Variants in VPS13C observed in about 807,000 individuals in gnomAD.
The protein encoded by VPS13C is vacuolar protein sorting 13 homolog C.
A neutral mutation model predicts 456.8 loss-of-function variants in VPS13C; 358 were observed. That is an observed-to-expected ratio of 0.78 (90% CI 0.72 to 0.86). The LOEUF (loss-of-function observed/expected upper bound fraction) is 0.86, where lower values mean the gene tolerates loss of function less well. Ranked by LOEUF, VPS13C falls within the 40% of genes least tolerant of loss-of-function variation. The pLI, the probability that VPS13C is intolerant of heterozygous loss-of-function variation, is 0.00. For missense variants in VPS13C, 4,818 were observed against 4,385.4 expected, an observed-to-expected ratio of 1.10 and a Z score of -2.79; for synonymous variants, 1,578 against 1,486.7, an observed-to-expected ratio of 1.06 and a Z score of -1.41.
intron 24 of VPS13C, 76 bp from the exon 25 acceptor site, chr15:61,974,493 T>G: frequency 2.0e-6 from 3 of 1,496,830 alleles, no homozygotes; most frequent in Non-Finnish European, 2.7e-6. Context: ...TTAATGTAAT[T>G]AGATTAAAAC....
intron 66 of VPS13C, among the ~76,000 whole-genome samples, chr15:61,899,693 A>G (rs1180408417): frequency 2.0e-5 from 3 of 150,944 alleles, no homozygotes; most frequent in Non-Finnish European, 3.0e-5. Flanking sequence ...ACAAGGACGA[A>G]CTGGTACCAT....
At chr15:61,881,103 T>C (rs1466621895) in intron 71 of VPS13C, 149 bp from the exon 72 acceptor site, 5 of 674,020 alleles carry the variant, frequency 7.4e-6, no homozygotes, top group Non-Finnish European at 1.2e-5. Flanking sequence ...TCTTCTTAGA[T>C]TGAGACTTTT....
At chr15:61,975,702 G>T (rs991424476) in intron 24 of VPS13C, among the ~76,000 whole-genome samples, 6 of 151,918 alleles carry the variant, frequency 3.9e-5, no homozygotes, top group African/African-American at 1.5e-4. Context: ...AGCATTTTAG[G>T]AAGAAATAAT....
At chr15:61,912,912 G>A (rs192745740) in intron 62 of VPS13C, among the ~76,000 whole-genome samples, 45 of 150,086 alleles carry the variant, frequency 3.0e-4, no homozygotes, top group Non-Finnish European at 5.6e-4. Flanking sequence ...TTGTCCTTGC[G>A]ATAGTACACA....
At chr15:61,910,793 A>G (rs914825815) in intron 63 of VPS13C, among the ~76,000 whole-genome samples, 1 of 152,144 alleles carries the variant, frequency 6.6e-6, no homozygotes. Context: ...ATATCAGACC[A>G]TATACTTACT....
chr15:61,876,986 T>C lies in VPS13C; in HGVS notation c.10211A>G (p.His3404Arg). 6.2e-7 allele frequency: 1 copy of C among 1,606,910 alleles called. No homozygotes were observed. The highest frequency in any genetic ancestry group is 2.2e-5 in the East Asian group (1 of 44,586). The change falls in exon 75 of 85, where the codon CAT (histidine) becomes CGT (arginine). Residue 3404 changes from histidine (H) to arginine (R), a missense_variant. By Grantham distance (29) the His-to-Arg change is conservative. Transcript: ENST00000644861. ...RDQLIWSVVR[H>R]YSEQFLKQMY... ...ATAGGAAATTACCTGTTCACTGTAA[T>C]GCCTAACAACACTCCATATAAGCTG...
intron 28 of VPS13C, among the ~76,000 whole-genome samples, chr15:61,968,249 T>C (rs2045439805): frequency 6.6e-6 from 1 of 151,772 alleles, no homozygotes; most frequent in Non-Finnish European, 1.5e-5. Context: ...ACCCATAGTA[T>C]AAACCAACTT....
At chr15:61,910,963 C>A (rs1445882194) in intron 63 of VPS13C, among the ~76,000 whole-genome samples, 1 of 152,116 alleles carries the variant, frequency 6.6e-6, no homozygotes, top group Non-Finnish European at 1.5e-5. Context: ...TTACTTGTTG[C>A]TGAGTTTATG....
chr15:61,897,210 G>A (rs768310903), intron 66 of VPS13C, among the ~76,000 whole-genome samples: 3 of 152,314 alleles, frequency 2.0e-5, no homozygotes, highest in Middle Eastern at 3.4e-3. Context: ...CTCCTCCAAA[G>A]GAATGCAGTT....
intron 63 of VPS13C, among the ~76,000 whole-genome samples, chr15:61,911,333 CT>C (rs1169976697): frequency 1.3e-5 from 2 of 152,174 alleles, no homozygotes; most frequent in African/African-American, 2.4e-5. Flanking sequence ...CTACCAATGA[CT>C]TTATCAATCT....
In VPS13C at chr15:61,917,558, T is replaced by C; in HGVS notation, c.7838A>G (p.Glu2613Gly). The C allele has an allele frequency of 6.2e-7, 1 of 1,614,032 alleles. No individual in the cohort carries two copies. Among genetic ancestry groups the C allele is most frequent in the South Asian group, 1.1e-5 (1 of 91,074 alleles). The change falls in exon 60 of 85, where the codon GAA (glutamate) becomes GGA (glycine). Residue 2613 changes from glutamate (E) to glycine (G), a missense_variant. Transcript: ENST00000644861. ...KESTTYISWK[E>G]ELHRSREVRC... ...GACTTCCCTGCTCCTATGAAGTTCT[T>C]CCTTCCAGGAAATATAAGTGGTAGA... is the stretch of plus-strand genomic sequence containing the variant.
chr15:61,897,267 G>T (rs2042853636), intron 66 of VPS13C, among the ~76,000 whole-genome samples: 1 of 152,204 alleles, frequency 6.6e-6, no homozygotes, highest in African/African-American at 2.4e-5. Context: ...ACTTTGATGA[G>T]CTAAGAGAAG....
chr15:61,864,976 T>G, intron 81 of VPS13C: 1 of 984,178 alleles, frequency 1.0e-6, no homozygotes, highest in Non-Finnish European at 1.2e-6. Flanking sequence ...ATTAGGCTAT[T>G]GTGCTTCAAG....
In VPS13C at chr15:61,958,692, T is replaced by G. The variant is rs772739233; in HGVS notation, c.4081A>C (p.Asn1361His). The part of the protein sequence containing the change: ...MNVSLNQEDL[N>H]LLFRILTENL... ...TCTGTTAGTATCCTAAATAAAAGAT[T>G]AAGATCTTCTTGATTTAGACTAACC... Residue 1361 changes from asparagine (N) to histidine (H), a missense_variant, in exon 37 of 85, where the codon AAT becomes CAT. Physicochemically the swap from Asn to His is moderately conservative, Grantham distance 68. Transcript: ENST00000644861. The G allele has an allele frequency of 6.4e-7, 1 of 1,553,138 alleles. No homozygotes were observed. The highest frequency in any genetic ancestry group is 8.7e-7 in the Non-Finnish European group (1 of 1,152,722).
At chr15:61,873,934 G>A (rs1241992085) in intron 77 of VPS13C, among the ~76,000 whole-genome samples, 7 of 148,898 alleles carry the variant, frequency 4.7e-5, no homozygotes, top group African/African-American at 1.2e-4. Context: ...GTCTATCAAC[G>A]GATGAATGGA....
intron 66 of VPS13C, among the ~76,000 whole-genome samples, chr15:61,897,592 T>C (rs1175970796): frequency 6.6e-6 from 1 of 151,950 alleles, no homozygotes; most frequent in East Asian, 1.9e-4. Flanking sequence ...CCAAGAAATA[T>C]GGGACTATGT....
In VPS13C at chr15:61,994,583, T is replaced by A. The variant is rs147732147; in HGVS notation, c.1354-2781A>T. ...CTGGTATATGCACAGAATGGAATAC[T>A]ATTCAGCTATCTTTTTTTTTTTTTG... On this transcript the variant is annotated intron_variant, in intron 16 of 84. Transcript: ENST00000644861. 8.0e-3 allele frequency among the ~76,000 whole-genome samples: 1,201 copies of A among 150,934 alleles called. 14 individuals are homozygous for A. Among genetic ancestry groups the A allele is most frequent in the African/African-American group, 0.029 (1,158 of 40,452 alleles).
chr15:61,912,123 G>A, intron 62 of VPS13C, 119 bp from the exon 63 acceptor site: 1 of 936,322 alleles, frequency 1.1e-6, no homozygotes, highest in African/African-American at 1.7e-5. Context: ...CTTAAATAAA[G>A]CAACTATAAG....
At chr15:62,021,643 T>C (rs1433692390) in intron 8 of VPS13C, among the ~76,000 whole-genome samples, 1 of 151,936 alleles carries the variant, frequency 6.6e-6, no homozygotes, top group Non-Finnish European at 1.5e-5. Flanking sequence ...CTCCAGAGTT[T>C]AGTCACATAC....
Sources: allele counts gnomAD v4.1 joint callset (sites outside exome capture counted in the v4.1 genomes callset), GRCh38; gene constraint gnomAD v4.1.1; transcripts MANE v1.5; gene names NCBI Gene and HGNC (gene_info 2026-07-23, HGNC 2026-07-21).